The following CNTNAP5 variants were observed in gnomAD, a reference collection of about 807,000 sequenced individuals.
The protein encoded by CNTNAP5 is contactin-associated protein-like 5.
CNTNAP5 carries 72 observed loss-of-function variants against 150.2 expected under a neutral mutation model. The ratio of observed to expected loss-of-function variants is 0.48; its 90% confidence interval spans 0.40 to 0.58. The LOEUF (loss-of-function observed/expected upper bound fraction) is 0.58. Ranked by LOEUF, CNTNAP5 falls within the 20% of genes least tolerant of loss-of-function variation. The pLI, the probability that CNTNAP5 is intolerant of heterozygous loss-of-function variation, is 0.00. For missense variants in CNTNAP5, 1,636 were observed against 1,626.2 expected (o/e 1.01, Z -0.10); for synonymous variants, 672 against 619.8 (o/e 1.08, Z -1.25).
chr2:124,467,951 G>A (rs2104827297), intron 6 of CNTNAP5, among the ~76,000 whole-genome samples: 1 of 152,140 alleles, frequency 6.6e-6, no homozygotes, highest in South Asian at 2.1e-4. Flanking sequence ...GTATATATTG[G>A]GTTATGTTGT....
chr2:124,613,132 G>A (rs1677420335), intron 12 of CNTNAP5, among the ~76,000 whole-genome samples: 1 of 152,104 alleles, frequency 6.6e-6, no homozygotes, highest in Admixed American at 6.5e-5. Flanking sequence ...ATATTTAAAT[G>A]GAAAACAATT....
chr2:124,121,158 A>T (rs1294911970), intron 1 of CNTNAP5, among the ~76,000 whole-genome samples: 1 of 151,976 alleles, frequency 6.6e-6, no homozygotes, highest in Non-Finnish European at 1.5e-5. Context: ...ACACACACAC[A>T]CACACAAACA....
At chr2:124,893,169 G>T (rs1054739053) in intron 21 of CNTNAP5, among the ~76,000 whole-genome samples, 3 of 152,040 alleles carry the variant, frequency 2.0e-5, no homozygotes, top group Non-Finnish European at 4.4e-5. Context: ...ACAGAGGCTG[G>T]GTTCAAATCT....
At chr2:124,647,429 T>C (rs1235455093) in intron 12 of CNTNAP5, among the ~76,000 whole-genome samples, 1 of 152,194 alleles carries the variant, frequency 6.6e-6, no homozygotes, top group East Asian at 1.9e-4. Context: ...GTTGCCTAAT[T>C]TTCTTTCACA....
rs759502131 is a variant in CNTNAP5 at position 124,713,237 on chromosome 2, TTCTTTCTCTTTC to T, written c.2078-33990_2078-33979del. Reference sequence around the variant, plus strand: ...TTTCTCTGTTTCTTTCTTTCTTTCTTTCTTTCTCTTTCTTTCTTTCTTTCTTTCTTTCTTTCT... The same window carrying T: ...TTTCTCTGTTTCTTTCTTTCTTTCTTTTTCTTTCTTTCTTTCTTTCTTTCT... On this transcript the variant is annotated intron_variant, in intron 13 of 23. Coordinates refer to ENST00000682447, the MANE Select transcript of CNTNAP5 (RefSeq NM_001367498.1). 6.1e-5 allele frequency among the ~76,000 whole-genome samples: 3 copies of T among 49,390 alleles called. 1 individual carries two copies. The highest frequency in any genetic ancestry group is 2.0e-4 in the Admixed American group (1 of 4,968). The allele number at this position is 49,390 out of a possible 152,430, so 32.4% of individuals were successfully genotyped here.
intron 1 of CNTNAP5, among the ~76,000 whole-genome samples, chr2:124,179,247 C>T (rs1162781197): frequency 6.6e-6 from 1 of 152,084 alleles, no homozygotes; most frequent in Admixed American, 6.5e-5. Flanking sequence ...GCAACTTCTG[C>T]CTCCCAGGTT....
At chr2:124,534,646 A>C (rs531387105) in intron 10 of CNTNAP5, among the ~76,000 whole-genome samples, 1 of 152,278 alleles carries the variant, frequency 6.6e-6, no homozygotes, top group South Asian at 2.1e-4. Flanking sequence ...AGGCCAAGGC[A>C]GGTGGATCAC....
chr2:124,450,617 T>C (rs952433445), intron 6 of CNTNAP5, among the ~76,000 whole-genome samples: 5 of 150,508 alleles, frequency 3.3e-5, no homozygotes, highest in African/African-American at 4.9e-5. Context: ...CATTAAAATG[T>C]CTTCTCAGTT....
chr2:124,338,925 T>C (rs1362226654), intron 3 of CNTNAP5, among the ~76,000 whole-genome samples: 5 of 152,072 alleles, frequency 3.3e-5, no homozygotes, highest in African/African-American at 1.2e-4. Context: ...TGAAATGTCA[T>C]GAATAATGTC....
In CNTNAP5 at chr2:124,057,448, A is replaced by AT. The variant is rs556571236; in HGVS notation, c.82+31739dup. On this transcript the variant is annotated intron_variant, in intron 1 of 23. Coordinates refer to ENST00000682447, the MANE Select transcript of CNTNAP5 (RefSeq NM_001367498.1). Reference sequence around the variant, plus strand: ...AGGCACCCACCAGCACGGCCAGCTAATTTTTTTTTTTTTTTTTTTTTTTAG... The same window carrying AT: ...AGGCACCCACCAGCACGGCCAGCTAATTTTTTTTTTTTTTTTTTTTTTTTAG... 1.6e-3 allele frequency among the ~76,000 whole-genome samples: 102 copies of AT among 62,776 alleles called. 4 individuals carry two copies. Among genetic ancestry groups the AT allele is most frequent in the Middle Eastern group, 0.011 (1 of 94 alleles). 41.2% of individuals were successfully genotyped at this position (62,776 alleles called of 152,430 possible).
intron 1 of CNTNAP5, among the ~76,000 whole-genome samples, chr2:124,182,094 G>A (rs906442376): frequency 1.3e-5 from 2 of 152,078 alleles, no homozygotes; most frequent in East Asian, 1.9e-4. Flanking sequence ...AAGAAAAGTG[G>A]CTTTAATACT....
intron 8 of CNTNAP5, among the ~76,000 whole-genome samples, chr2:124,522,792 G>A (rs1279617237): frequency 6.6e-6 from 1 of 152,132 alleles, no homozygotes; most frequent in East Asian, 1.9e-4. Flanking sequence ...TCTTTATACA[G>A]GCTCTCTGTC....
rs775220057 is a variant in CNTNAP5, at chr2:124,707,039, AAGGAGGAGGAGGAGGAGGAGG to A, written c.2078-40187_2078-40167del. ...GGAGGAGAAGAAGAAGAAGAAGAAG[AAGGAGGAGGAGGAGGAGGAGG>A]AGAGGAAGAGGAAGAAGAAGAAGAG... is the stretch of plus-strand genomic sequence containing the variant. On this transcript the variant is annotated intron_variant, in intron 13 of 23. Coordinates refer to ENST00000682447, the MANE Select transcript of CNTNAP5 (RefSeq NM_001367498.1). 2.1e-4 allele frequency among the ~76,000 whole-genome samples: 17 copies of A among 82,006 alleles called. 1 individual carries two copies. Among genetic ancestry groups the A allele is most frequent in the African/African-American group, 6.0e-4 (15 of 24,904 alleles). 53.8% of individuals were successfully genotyped at this position (82,006 alleles called of 152,430 possible). A position where few individuals can be genotyped will look rare whatever the true frequency, so the allele number is the denominator to read the frequency against.
rs75657754 is a variant in CNTNAP5, at chr2:124,305,412, G to A, written c.381+63019G>A. Among the ~76,000 whole-genome samples, 909 of 152,314 alleles carry A rather than the reference G, an allele frequency of 6.0e-3. 10 individuals are homozygous for A. The highest frequency in any genetic ancestry group is 0.017 in the Middle Eastern group (5 of 294). Reference sequence around the variant, plus strand: ...AAAATTATCCAAGTGTTTCTCATGAGTATTGGCTGTTACCTATAAGTTATT... The same window carrying A: ...AAAATTATCCAAGTGTTTCTCATGAATATTGGCTGTTACCTATAAGTTATT... On this transcript the variant is annotated intron_variant, in intron 3 of 23. Coordinates refer to ENST00000682447, the MANE Select transcript of CNTNAP5 (RefSeq NM_001367498.1).
At chr2:124,154,050 A>C (rs1684469433) in intron 1 of CNTNAP5, among the ~76,000 whole-genome samples, 1 of 152,108 alleles carries the variant, frequency 6.6e-6, no homozygotes, top group African/African-American at 2.4e-5. Context: ...TATGAATTTT[A>C]GGGGGCACAA....
intron 19 of CNTNAP5, among the ~76,000 whole-genome samples, chr2:124,832,467 A>T (rs1377259710): frequency 1.3e-5 from 2 of 152,156 alleles, no homozygotes; most frequent in Non-Finnish European, 2.9e-5. Flanking sequence ...TTTAAACAAG[A>T]CAATTAGACC....
chr2:124,274,655 C>T (rs1687842715), intron 3 of CNTNAP5, among the ~76,000 whole-genome samples: 1 of 152,166 alleles, frequency 6.6e-6, no homozygotes, highest in South Asian at 2.1e-4. Context: ...AGACTTAATT[C>T]ATAAGTATGT....
intron 12 of CNTNAP5, among the ~76,000 whole-genome samples, chr2:124,627,922 C>A (rs1295481549): frequency 1.3e-5 from 2 of 152,128 alleles, no homozygotes; most frequent in African/African-American, 4.8e-5. Flanking sequence ...ATAATGCAAA[C>A]ACAAGTATCA....
At chr2:124,774,446 T>TATG (rs1390940095) in intron 17 of CNTNAP5, among the ~76,000 whole-genome samples, 2 of 152,318 alleles carry the variant, frequency 1.3e-5, no homozygotes, top group East Asian at 3.9e-4. Flanking sequence ...CTTTGTCTGT[T>TATG]ATGTTCCCCA....
Sources: allele counts gnomAD v4.1 joint callset (sites outside exome capture counted in the v4.1 genomes callset), GRCh38; gene constraint gnomAD v4.1.1; transcripts MANE v1.5; gene names NCBI Gene and HGNC (gene_info 2026-07-23, HGNC 2026-07-21).